Variants in KHDRBS1 observed in about 807,000 individuals in gnomAD.
KHDRBS1 encodes KH RNA binding domain containing, signal transduction associated 1.
A neutral mutation model predicts 48.4 loss-of-function variants in KHDRBS1; 7 were observed. The observed-to-expected ratio is 0.14, with a 90% CI of 0.08 to 0.27. The LOEUF (loss-of-function observed/expected upper bound fraction) is 0.27. Ranked by LOEUF, KHDRBS1 falls within the 10% of genes least tolerant of loss-of-function variation. KHDRBS1 has a pLI of 1.00. For missense variants in KHDRBS1, 458 were observed against 601.2 expected (o/e 0.76, Z 2.49); for synonymous variants, 241 against 235.8 (o/e 1.02, Z -0.20).
Position 32,055,185 on chromosome 1 carries a change from C to G in KHDRBS1, n.1302-4978C>G, listed in dbSNP as rs560635293. ...GGATCCTGGGCCGGGTGCGGTGGGTCACGCCGGTAATCCCAGCACTTTGGG... is the reference window on the plus strand; with the variant it reads ...GGATCCTGGGCCGGGTGCGGTGGGTGACGCCGGTAATCCCAGCACTTTGGG... On this transcript the variant is annotated intron_variant and non_coding_transcript_variant, in intron 10 of 10. Transcript: ENST00000484270. 2.0e-5 allele frequency among the ~76,000 whole-genome samples: 3 copies of G among 152,196 alleles called. No homozygotes were observed. The South Asian group carries it at 6.2e-4, about 32-fold the overall frequency.
At chr1:32,016,856 T>C (rs1389322007) in intron 1 of KHDRBS1, among the ~76,000 whole-genome samples, 1 of 152,218 alleles carries the variant, frequency 6.6e-6, no homozygotes, top group Non-Finnish European at 1.5e-5. Context: ...GTCTACTTTG[T>C]TCACCGTTGT....
At chr1:32,040,129 T>G (rs190647865) in intron 8 of KHDRBS1, among the ~76,000 whole-genome samples, 2 of 152,040 alleles carry the variant, frequency 1.3e-5, no homozygotes, top group African/African-American at 4.8e-5. Flanking sequence ...TAGTGCCTAT[T>G]AGGGCCGGGC....
intron 1 of KHDRBS1, among the ~76,000 whole-genome samples, chr1:32,021,615 T>C (rs918682717): frequency 6.6e-5 from 10 of 152,064 alleles, no homozygotes; most frequent in Admixed American, 5.9e-4. Flanking sequence ...AACCATACTT[T>C]TTTGTATTTG....
At chr1:32,023,110 T>C (rs1638894851) in intron 1 of KHDRBS1, among the ~76,000 whole-genome samples, 1 of 152,090 alleles carries the variant, frequency 6.6e-6, no homozygotes, top group African/African-American at 2.4e-5. Context: ...GAGCTGGGAA[T>C]CAAACCCACT....
chr1:32,027,779 G>A (rs1459513653), intron 1 of KHDRBS1, among the ~76,000 whole-genome samples: 1 of 151,988 alleles, frequency 6.6e-6, no homozygotes, highest in Non-Finnish European at 1.5e-5. Flanking sequence ...ATTTTTCTTC[G>A]TCTATATATT....
chr1:32,039,655 G>T, intron 8 of KHDRBS1, 82 bp downstream of exon 8: 1 of 799,820 alleles, frequency 1.3e-6, no homozygotes, highest in South Asian at 1.4e-5. Context: ...TTGAGAGTCA[G>T]ACAAACACAC....
intron 1 of KHDRBS1, among the ~76,000 whole-genome samples, chr1:32,020,840 C>T (rs1439090543): frequency 1.3e-5 from 2 of 152,046 alleles, no homozygotes; most frequent in African/African-American, 4.8e-5. Context: ...GGGTAAGGAT[C>T]CTCATGATGG....
At chr1:32,027,661 T>C (rs180772683) in intron 1 of KHDRBS1, among the ~76,000 whole-genome samples, 15 of 152,336 alleles carry the variant, frequency 9.8e-5, no homozygotes, top group African/African-American at 3.6e-4. Flanking sequence ...CCAGGAAGTA[T>C]GTGTCTATTA....
chr1:32,022,764 C>A (rs946588652), intron 1 of KHDRBS1, among the ~76,000 whole-genome samples: 1 of 152,018 alleles, frequency 6.6e-6, no homozygotes, highest in Admixed American at 6.6e-5. Flanking sequence ...TGGCATGCGC[C>A]TATAGTCACC....
chr1:32,015,843 G>A (rs1638729298), intron 1 of KHDRBS1, among the ~76,000 whole-genome samples: 1 of 152,184 alleles, frequency 6.6e-6, no homozygotes, highest in Non-Finnish European at 1.5e-5. Flanking sequence ...GTGCGGAAGT[G>A]AGACTTTGAG....
At chr1:32,040,913 CTG>C (rs1327138475) in intron 8 of KHDRBS1, among the ~76,000 whole-genome samples, 2 of 152,180 alleles carry the variant, frequency 1.3e-5, no homozygotes, top group Non-Finnish European at 2.9e-5. Flanking sequence ...CCCAAGGAAA[CTG>C]TTTTTACCAG....
At chr1:32,033,121 G>C in intron 3 of KHDRBS1, 67 bp from the exon 4 acceptor site, 1 of 1,277,330 alleles carries the variant, frequency 7.8e-7, no homozygotes, top group Non-Finnish European at 1.1e-6. Flanking sequence ...TGTTCCTTTG[G>C]CTTAGAGGTA....
chr1:32,019,852 A>G (rs965748416), intron 1 of KHDRBS1, among the ~76,000 whole-genome samples: 2 of 151,908 alleles, frequency 1.3e-5, no homozygotes, highest in South Asian at 2.1e-4. Flanking sequence ...GCTGACTGCT[A>G]CCTCTACCTT....
chr1:32,037,737 C>A, intron 5 of KHDRBS1, 98 bp from the exon 6 acceptor site: 1 of 1,328,150 alleles, frequency 7.5e-7, no homozygotes, highest in Non-Finnish European at 1.1e-6. Flanking sequence ...GTTAAGGCTT[C>A]ATAAAATCTG....
At chr1:32,034,942 C>T (rs1372506500) in intron 4 of KHDRBS1, among the ~76,000 whole-genome samples, 1 of 149,930 alleles carries the variant, frequency 6.7e-6, no homozygotes, top group Non-Finnish European at 1.5e-5. Context: ...GATTGCGCCA[C>T]TGCACTCTGG....
chr1:32,030,249 A>T (rs752183195), intron 1 of KHDRBS1, 49 bp from the exon 2 acceptor site: 1 of 1,547,224 alleles, frequency 6.5e-7, no homozygotes, highest in Non-Finnish European at 8.8e-7. Context: ...CAGACTTCAA[A>T]ATTTGCATTT....
intron 1 of KHDRBS1, among the ~76,000 whole-genome samples, chr1:32,024,712 C>T (rs1161475687): frequency 6.6e-6 from 1 of 152,018 alleles, no homozygotes; most frequent in East Asian, 1.9e-4. Flanking sequence ...GTTTTTGTTG[C>T]CTCAGATGTA....
Position 32,038,034 on chromosome 1 carries a change from T to C in KHDRBS1, c.1105T>C (p.Tyr369His). 4 of 1,613,864 alleles carry C rather than the reference T, an allele frequency of 2.5e-6. No individual in the cohort carries two copies. Among genetic ancestry groups the C allele is most frequent in the Non-Finnish European group, 3.4e-6 (4 of 1,179,854 alleles). The change falls in exon 6 of 9, where the codon TAT (tyrosine) becomes CAT (histidine). Residue 369 changes from tyrosine to histidine, a missense_variant and splice_region_variant. Physicochemically the swap from Tyr to His is moderately conservative, Grantham distance 83. Around this residue, in one of 3 missense-constraint regions of KHDRBS1, gnomAD observed 171 missense variants for 228.7 expected, o/e 0.75. Coordinates refer to ENST00000327300, the MANE Select transcript of KHDRBS1 (RefSeq NM_006559.3). ...PPPAPETYEE[Y>H]GYDDTYAEQS... ...TCCTGCACCAGAAACATATGAAGAATATGTAAGAAATTTGAACAATGTGCC... is the reference window on the plus strand; with the variant it reads ...TCCTGCACCAGAAACATATGAAGAACATGTAAGAAATTTGAACAATGTGCC...
intron 10 of KHDRBS1, among the ~76,000 whole-genome samples, chr1:32,059,227 G>A (rs1639516818): frequency 6.6e-6 from 1 of 151,066 alleles, no homozygotes; most frequent in Admixed American, 6.6e-5. Context: ...AAGGCTCCAG[G>A]TTACTGACTG....
Sources: allele counts gnomAD v4.1 joint callset (sites outside exome capture counted in the v4.1 genomes callset), GRCh38; gene constraint gnomAD v4.1.1; regional missense constraint gnomAD v4.1.1; transcripts MANE v1.5; gene names NCBI Gene and HGNC (gene_info 2026-07-23, HGNC 2026-07-21).